CRAMP1: variants seen among roughly 807,000 people sequenced by gnomAD.
CRAMP1 encodes the protein cramped chromatin regulator 1.
CRAMP1 carries 50 observed loss-of-function variants against 115.4 expected under a neutral mutation model. The observed-to-expected ratio is 0.43, with a 90% confidence interval of 0.35 to 0.55. The LOEUF is 0.55. Among genes scored for constraint, CRAMP1 ranks in the 20% least tolerant of loss-of-function variants. The probability of loss-of-function intolerance (pLI) is 0.01; values close to 1 mark genes in which losing one functional copy is unlikely to be tolerated. For synonymous variants in CRAMP1, 866 were observed against 745.4 expected (o/e 1.16, Z -2.64); for missense variants, 1,679 against 1,721.7 (o/e 0.98, Z 0.44).
intron 3 of CRAMP1, among the ~76,000 whole-genome samples, chr16:1,629,960 A>G (rs1180512901): frequency 6.6e-6 from 1 of 151,898 alleles, no homozygotes; most frequent in Non-Finnish European, 1.5e-5. Flanking sequence ...CAGTGTGTCA[A>G]GCACAATGCC....
At position 1,662,562 on chromosome 16, in the gene CRAMP1, G is replaced by A. The variant is rs2036841520; in HGVS notation, c.2486G>A (p.Gly829Asp). 6.2e-7 allele frequency: 1 copy of A among 1,613,878 alleles called. No individual in the cohort carries two copies. Among genetic ancestry groups the A allele is most frequent in the Non-Finnish European group, 8.5e-7 (1 of 1,179,890 alleles). ...SSTGSNDSDG[G>D]LFAVPTTLPP... is the part of the protein sequence containing the mutation. ...ACAGGAAGCAATGACTCAGATGGAG[G>A]CCTTTTTGCTGTCCCGACAACCTTG... The change falls in exon 12 of 21, where the codon GGC becomes GAC. Residue 829 changes from glycine to aspartate, a missense_variant. Transcript: ENST00000397412.
intron 11 of CRAMP1, among the ~76,000 whole-genome samples, chr16:1,661,215 G>A (rs930815389): frequency 4.6e-5 from 7 of 152,138 alleles, no homozygotes; most frequent in South Asian, 2.1e-4. Context: ...CCAGCTACTC[G>A]GGAGGCTGAG....
At chr16:1,652,707 C>A in intron 7 of CRAMP1, 126 bp downstream of exon 7, 1 of 840,942 alleles carries the variant, frequency 1.2e-6, no homozygotes. Flanking sequence ...AATCCCAGGG[C>A]TGCACATGGA....
chr16:1,667,896 G>A (rs2036889582), intron 17 of CRAMP1, 66 bp from the exon 18 acceptor site: 1 of 1,048,200 alleles, frequency 9.5e-7, no homozygotes, highest in Non-Finnish European at 1.4e-6. Flanking sequence ...GTAAGCTGGT[G>A]TTTCTTCCCT....
Position 1,662,740 on chromosome 16 carries a change from C to T in CRAMP1, c.2596-21C>T, listed in dbSNP as rs760336486. ...GGTCTGGAGAGTGCACCTTCAGGTG[C>T]CGGACGCTGCTCCCTTACAGATGCA... On this transcript the variant is annotated intron_variant, in intron 12 of 20. Coordinates refer to ENST00000397412, the MANE Select transcript of CRAMP1 (RefSeq NM_020825.4). 6 of 1,613,578 alleles carry T rather than the reference C, an allele frequency of 3.7e-6. No individual in the cohort carries two copies. The Admixed American group carries it at 6.7e-5, about 18-fold the overall frequency.
chr16:1,624,575 C>G (rs2036493289), intron 2 of CRAMP1, among the ~76,000 whole-genome samples: 1 of 151,624 alleles, frequency 6.6e-6, no homozygotes, highest in African/African-American at 2.4e-5. Context: ...TGCACCACCA[C>G]ACCTGGCTAA....
chr16:1,665,066 C>A lies in CRAMP1; in HGVS notation c.2680C>A (p.Leu894Ile). ...ACCATTTTCCCCACAGAGAACACTG[C>A]TCCCTAGACCATCGGAAAACCAGTC... The part of the protein sequence containing the change: ...RKPLVVQRTL[L>I]PRPSENQSHN... Residue 894 changes from leucine (L) to isoleucine (I), a missense_variant, in exon 14 of 21, where the codon CTC becomes ATC. Coordinates refer to ENST00000397412, the MANE Select transcript of CRAMP1 (RefSeq NM_020825.4). 1.2e-6 allele frequency: 2 copies of A among 1,609,670 alleles called. No individual in the cohort carries two copies. The highest frequency in any genetic ancestry group is 1.7e-6 in the Non-Finnish European group (2 of 1,175,994).
At position 1,666,008 on chromosome 16, in the gene CRAMP1, C is replaced by T. The variant is rs2036872273; in HGVS notation, c.2753-65C>T. The T allele has an allele frequency of 4.6e-6, 5 of 1,091,652 alleles. No homozygotes were observed. Among genetic ancestry groups the T allele is most frequent in the East Asian group, 2.6e-5 (1 of 39,096 alleles). 67.6% of individuals were successfully genotyped at this position (1,091,652 alleles called of 1,614,324 possible). On this transcript the variant is annotated intron_variant, in intron 14 of 20. Coordinates refer to ENST00000397412, the MANE Select transcript of CRAMP1 (RefSeq NM_020825.4). This position sits in a 1 kb window ranked among gnomAD's most constrained non-coding sequence, Gnocchi z 5.0. The stretch of plus-strand genomic sequence containing the variant: ...GGCTGTAAAGGAAGCCCCCTGCGGC[C>T]ACATCCTGCTGTGAGGGCATGGCGG...
At chr16:1,632,103 T>C (rs907756965) in intron 3 of CRAMP1, 109 bp from the exon 4 acceptor site, 6 of 1,207,530 alleles carry the variant, frequency 5.0e-6, no homozygotes, top group Admixed American at 5.3e-5. Context: ...CTTGTTTGAC[T>C]ACAGCCTGTC....
At position 1,671,812 on chromosome 16, in the gene CRAMP1, A is replaced by C. The variant is rs532732987; in HGVS notation, c.3645+1003A>C. On this transcript the variant is annotated intron_variant, in intron 20 of 20. Transcript: ENST00000397412. The surrounding 1 kb of genome is among the most constrained non-coding windows in gnomAD (Gnocchi z 5.0). Reference sequence around the variant, plus strand: ...ATCCGAATGTGAATCGTGACTCTTGAGATGATGAACTCATGGGCAGGCTTT... The same window carrying C: ...ATCCGAATGTGAATCGTGACTCTTGCGATGATGAACTCATGGGCAGGCTTT... Among the ~76,000 whole-genome samples, 18 of 152,310 alleles carry C rather than the reference A, an allele frequency of 1.2e-4. No homozygotes were observed. The South Asian group carries it at 1.5e-3, about 12-fold the overall frequency.
chr16:1,643,424 C>T (rs896376338), intron 6 of CRAMP1, among the ~76,000 whole-genome samples: 17 of 152,094 alleles, frequency 1.1e-4, no homozygotes, highest in African/African-American at 3.9e-4. Flanking sequence ...GCCTGTAATC[C>T]CAGCTACTTG....
intron 2 of CRAMP1, among the ~76,000 whole-genome samples, chr16:1,624,772 C>T (rs1030081293): frequency 1.3e-5 from 2 of 152,028 alleles, no homozygotes; most frequent in Non-Finnish European, 2.9e-5. Context: ...TTAGTAGAGA[C>T]GGGGTTTCAC....
chr16:1,619,219 C>T (rs113404978), intron 2 of CRAMP1, among the ~76,000 whole-genome samples: 7 of 152,180 alleles, frequency 4.6e-5, no homozygotes, highest in African/African-American at 7.2e-5. Context: ...CTCATTCTGT[C>T]GCCTGGGCTT....
rs893946989 is a variant in CRAMP1 at position 1,674,249 on chromosome 16, C to T, written c.*204C>T. Reference sequence around the variant, plus strand: ...AGGATGAGTTCTTGGCAAGGGCCAGCGTTAGAAATCACTGTGGTACTAGAG... The same window carrying T: ...AGGATGAGTTCTTGGCAAGGGCCAGTGTTAGAAATCACTGTGGTACTAGAG... On this transcript the variant is annotated 3_prime_UTR_variant, in exon 21 of 21. Coordinates refer to ENST00000397412, the MANE Select transcript of CRAMP1 (RefSeq NM_020825.4). The T allele has an allele frequency of 6.7e-6, 4 of 594,198 alleles. No individual in the cohort carries two copies. Among genetic ancestry groups the T allele is most frequent in the Admixed American group, 3.0e-5 (1 of 33,322 alleles). The allele number at this position is 594,198 out of a possible 1,614,324, so 36.8% of individuals were successfully genotyped here.
chr16:1,628,450 C>T lies in CRAMP1; in HGVS notation c.540+2284C>T, dbSNP rs182996578. Among the ~76,000 whole-genome samples, 67 of 152,306 alleles carry T rather than the reference C, an allele frequency of 4.4e-4. 1 individual carries two copies. Among genetic ancestry groups the T allele is most frequent in the Admixed American group, 3.2e-3 (49 of 15,288 alleles). On this transcript the variant is annotated intron_variant, in intron 3 of 20. Coordinates refer to ENST00000397412, the MANE Select transcript of CRAMP1 (RefSeq NM_020825.4). ...TGTATTTTTATTACAGACCGAGTTT[C>T]GCCACGTTGGTCAGGCTGGTCTTGA...
intron 3 of CRAMP1, among the ~76,000 whole-genome samples, chr16:1,630,619 G>A (rs2036541604): frequency 6.6e-6 from 1 of 152,310 alleles, no homozygotes; most frequent in Admixed American, 6.5e-5. Context: ...AGATTAACAA[G>A]GGTCCCACTC....
chr16:1,652,964 G>A (rs2142195696), intron 7 of CRAMP1, 69 bp from the exon 8 acceptor site: 2 of 1,584,284 alleles, frequency 1.3e-6, no homozygotes, highest in East Asian at 2.2e-5. Context: ...TGGTTTTTCT[G>A]GCCCAGCCCT....
In CRAMP1 at chr16:1,672,105, G is replaced by T. The variant is rs1014344514; in HGVS notation, c.3645+1296G>T. On this transcript the variant is annotated intron_variant, in intron 20 of 20. Transcript: ENST00000397412. This position sits in a 1 kb window ranked among gnomAD's most constrained non-coding sequence, Gnocchi z 4.9. ...ACGTGCCCTGAGGCAGCATGCTCAC[G>T]CCATGCTGTTGAAAGGACGGGCCAC... Among the ~76,000 whole-genome samples, 1 of 152,198 alleles carries T rather than the reference G, an allele frequency of 6.6e-6. No homozygotes were observed. Among genetic ancestry groups the T allele is most frequent in the Non-Finnish European group, 1.5e-5 (1 of 68,040 alleles).
intron 6 of CRAMP1, among the ~76,000 whole-genome samples, chr16:1,643,690 G>A (rs751291893): frequency 2.0e-5 from 3 of 152,234 alleles, no homozygotes; most frequent in Non-Finnish European, 2.9e-5. Flanking sequence ...CGTGGACAGC[G>A]GAATCGAAAT....
Sources: gnomAD v4.1 joint callset for allele counts (sites outside exome capture counted in the v4.1 genomes callset) on GRCh38, gnomAD v4.1.1 for gene constraint, Gnocchi (gnomAD v3.1) non-coding constraint, MANE v1.5 for transcripts, NCBI Gene and HGNC (gene_info 2026-07-23, HGNC 2026-07-21) for gene names.